NWD2: variants seen among roughly 807,000 people sequenced by gnomAD.
NWD2 encodes NACHT and WD repeat domain-containing protein 2.
NWD2 carries 37 observed loss-of-function variants against 132.7 expected under a neutral mutation model. The observed-to-expected ratio is 0.28, with a 90% CI of 0.21 to 0.37. The LOEUF (loss-of-function observed/expected upper bound fraction) is 0.37. Among genes scored for constraint, NWD2 ranks in the 10% least tolerant of loss-of-function variants. The pLI is 1.00. For missense variants in NWD2, 1,592 were observed against 2,122.4 expected, an observed-to-expected ratio of 0.75 and a Z score of 4.91; for synonymous variants, 705 against 803.0, an observed-to-expected ratio of 0.88 and a Z score of 2.06.
At chr4:37,329,802 G>A (rs1463338380) in intron 2 of NWD2, among the ~76,000 whole-genome samples, 1 of 152,172 alleles carries the variant, frequency 6.6e-6, no homozygotes, top group Non-Finnish European at 1.5e-5. Context: ...TCTATGAGTA[G>A]AATACAATGC....
intron 1 of NWD2, among the ~76,000 whole-genome samples, chr4:37,309,660 G>A (rs961546884): frequency 6.6e-6 from 1 of 152,140 alleles, no homozygotes; most frequent in Non-Finnish European, 1.5e-5. Context: ...TGTGAATACT[G>A]TAGGGCTCCC....
intron 3 of NWD2, among the ~76,000 whole-genome samples, chr4:37,397,458 TGA>T (rs1720821232): frequency 6.6e-6 from 1 of 152,110 alleles, no homozygotes; most frequent in African/African-American, 2.4e-5. Flanking sequence ...GAAGAGGGCT[TGA>T]GAGATAAAGA....
At chr4:37,437,969 A>G (rs1712366184) in intron 5 of NWD2, among the ~76,000 whole-genome samples, 1 of 152,198 alleles carries the variant, frequency 6.6e-6, no homozygotes, top group Non-Finnish European at 1.5e-5. Context: ...TTGCCTTAAA[A>G]TGTGCTTTTG....
intron 1 of NWD2, among the ~76,000 whole-genome samples, chr4:37,302,524 G>A (rs1577660967): frequency 6.6e-6 from 1 of 151,916 alleles, no homozygotes; most frequent in Admixed American, 6.6e-5. Context: ...CAGTTTTTTT[G>A]AGAAACCTCC....
At chr4:37,309,195 G>A (rs1019840262) in intron 1 of NWD2, among the ~76,000 whole-genome samples, 2 of 152,160 alleles carry the variant, frequency 1.3e-5, no homozygotes, top group African/African-American at 4.8e-5. Flanking sequence ...AGTCAGCGTT[G>A]CCAGTGACAC....
rs151312632 is a variant in NWD2 at position 37,303,348 on chromosome 4, C to T, written c.152-22588C>T. Among the ~76,000 whole-genome samples, 42 of 152,258 alleles carry T rather than the reference C, an allele frequency of 2.8e-4. No homozygotes were observed. In the East Asian group the frequency reaches 7.3e-3, roughly 27 times the overall value. The stretch of plus-strand genomic sequence containing the variant: ...TACCAGTATCATGCTGTTTCGGTTA[C>T]GACAGCTTCGTGGTATATAATTTGA... On this transcript the variant is annotated intron_variant, in intron 1 of 6. Transcript: ENST00000309447.
chr4:37,300,032 A>G (rs988293086), intron 1 of NWD2, among the ~76,000 whole-genome samples: 5 of 152,220 alleles, frequency 3.3e-5, no homozygotes, highest in Admixed American at 1.3e-4. Flanking sequence ...CGCTTTGTTC[A>G]TGCTGCTATG....
intron 1 of NWD2, among the ~76,000 whole-genome samples, chr4:37,265,848 C>T (rs945474645): frequency 3.3e-5 from 5 of 152,046 alleles, no homozygotes; most frequent in African/African-American, 1.2e-4. Context: ...TCCCCTTTGC[C>T]ATATAAGGTA....
At chr4:37,438,195 A>C (rs1010325920) in intron 5 of NWD2, among the ~76,000 whole-genome samples, 2 of 151,564 alleles carry the variant, frequency 1.3e-5, no homozygotes, top group African/African-American at 2.4e-5. Flanking sequence ...CAGGAGGCGG[A>C]GCTTGCAGTG....
chr4:37,368,462 A>G (rs1720143463), intron 3 of NWD2, among the ~76,000 whole-genome samples: 1 of 152,188 alleles, frequency 6.6e-6, no homozygotes, highest in Admixed American at 6.5e-5. Flanking sequence ...TCTGTGAGCT[A>G]ATGGTAAGTC....
chr4:37,322,121 C>T (rs973878836), intron 1 of NWD2, among the ~76,000 whole-genome samples: 7 of 152,130 alleles, frequency 4.6e-5, no homozygotes, highest in East Asian at 1.9e-4. Context: ...TTGTCACTGG[C>T]GCATGTGTGG....
intron 3 of NWD2, among the ~76,000 whole-genome samples, chr4:37,398,568 A>G (rs1216096477): frequency 6.6e-6 from 1 of 152,180 alleles, no homozygotes; most frequent in Admixed American, 6.5e-5. Flanking sequence ...CCAATATGGC[A>G]GGGACAGGTT....
intron 3 of NWD2, among the ~76,000 whole-genome samples, chr4:37,361,264 T>C (rs1470521977): frequency 3.9e-5 from 6 of 152,110 alleles, no homozygotes; most frequent in Non-Finnish European, 8.8e-5. Context: ...AGCTGATACC[T>C]ATTATAGTGA....
intron 1 of NWD2, among the ~76,000 whole-genome samples, chr4:37,262,728 G>C (rs1022281116): frequency 6.6e-6 from 1 of 152,090 alleles, no homozygotes; most frequent in Non-Finnish European, 1.5e-5. Context: ...GTGGCAAAGT[G>C]GTCCAACCCT....
chr4:37,354,948 A>G (rs1334206204), intron 2 of NWD2, among the ~76,000 whole-genome samples: 1 of 152,068 alleles, frequency 6.6e-6, no homozygotes, highest in East Asian at 1.9e-4. Flanking sequence ...AGACTATTTT[A>G]TAGCCCTATT....
chr4:37,369,405 C>T (rs541333764), intron 3 of NWD2, among the ~76,000 whole-genome samples: 1 of 152,212 alleles, frequency 6.6e-6, no homozygotes, highest in South Asian at 2.1e-4. Context: ...TCATCCCTCA[C>T]CCTTCTCCCC....
intron 3 of NWD2, among the ~76,000 whole-genome samples, chr4:37,406,540 C>A (rs1353401053): frequency 6.6e-6 from 1 of 152,092 alleles, no homozygotes; most frequent in African/African-American, 2.4e-5. Context: ...TGAAACCAAC[C>A]CAAATGCCCA....
chr4:37,416,509 T>C (rs1462220517), intron 3 of NWD2, among the ~76,000 whole-genome samples: 1 of 152,172 alleles, frequency 6.6e-6, no homozygotes, highest in Non-Finnish European at 1.5e-5. Context: ...CTGGTGGGAA[T>C]GTAAACTTGT....
chr4:37,396,731 G>A lies in NWD2; in HGVS notation c.358-33841G>A, dbSNP rs1319521966. Reference sequence around the variant, plus strand: ...TGAGAGAAGTGGAACTCAATCTGAGGAAAGTAAAAAGCAAAGCGAGGCTGG... The same window carrying A: ...TGAGAGAAGTGGAACTCAATCTGAGAAAAGTAAAAAGCAAAGCGAGGCTGG... On this transcript the variant is annotated intron_variant, in intron 3 of 6. Transcript: ENST00000309447. Among the ~76,000 whole-genome samples, 4 of 152,076 alleles carry A rather than the reference G, an allele frequency of 2.6e-5. No individual in the cohort carries two copies. In the East Asian group the frequency reaches 7.7e-4, roughly 29 times the overall value.
Sources: allele counts gnomAD v4.1 joint callset (sites outside exome capture counted in the v4.1 genomes callset), GRCh38; gene constraint gnomAD v4.1.1; transcripts MANE v1.5; gene names NCBI Gene and HGNC (gene_info 2026-07-23, HGNC 2026-07-21).